RIOK2: variants seen among roughly 807,000 people sequenced by gnomAD.
The protein encoded by RIOK2 is serine/threonine-protein kinase RIO2.
In RIOK2, 46 loss-of-function variants were observed where a neutral mutation model predicts 62.4. The observed-to-expected ratio is 0.74, with a 90% confidence interval of 0.58 to 0.94. The LOEUF (loss-of-function observed/expected upper bound fraction) is 0.94, where lower values mean the gene tolerates loss of function less well. RIOK2 is among the 40% of genes least tolerant of loss of function. The probability of loss-of-function intolerance (pLI) is 0.00; values close to 1 mark genes in which losing one functional copy is unlikely to be tolerated. For missense variants in RIOK2, 574 were observed against 658.0 expected, an observed-to-expected ratio of 0.87 and a Z score of 1.40; for synonymous variants, 197 against 216.0, an observed-to-expected ratio of 0.91 and a Z score of 0.77.
intron 8 of RIOK2, chr5:97,167,058 A>G (rs1748862730): frequency 2.2e-6 from 1 of 446,134 alleles, no homozygotes; most frequent in Non-Finnish European, 3.0e-6. Flanking sequence ...CTGGGATTAC[A>G]AGCACAGGCC....
intron 4 of RIOK2, among the ~76,000 whole-genome samples, chr5:97,176,598 A>G (rs1016818109): frequency 5.3e-5 from 8 of 152,180 alleles, no homozygotes; most frequent in African/African-American, 1.9e-4. Flanking sequence ...GGCTTCCCAA[A>G]GTGCTGGTAT....
intron 9 of RIOK2, among the ~76,000 whole-genome samples, chr5:97,164,290 C>T (rs542825818): frequency 6.6e-6 from 1 of 152,022 alleles, no homozygotes; most frequent in Non-Finnish European, 1.5e-5. Flanking sequence ...CACCTGAGGT[C>T]AGGAGTTCGA....
chr5:97,171,597 TCTA>T (rs1749011016), intron 5 of RIOK2, among the ~76,000 whole-genome samples, 200 bp from the exon 6 acceptor site: 1 of 152,202 alleles, frequency 6.6e-6, no homozygotes, highest in African/African-American at 2.4e-5. Context: ...GTATCTCTTT[TCTA>T]CTACTACCTT....
chr5:97,178,301 C>A (rs918001390), intron 2 of RIOK2, among the ~76,000 whole-genome samples: 7 of 43,532 alleles, frequency 1.6e-4, no homozygotes, highest in Non-Finnish European at 3.4e-4. Context: ...ATGGTAGCCA[C>A]AATAGCTTTA....
chr5:97,177,429 AACCTTCGG>A (rs1485566678), intron 3 of RIOK2, 138 bp from the exon 4 acceptor site: 33 of 810,584 alleles, frequency 4.1e-5, no homozygotes, highest in Non-Finnish European at 1.9e-6. Context: ...CCTTATCCAA[AACCTTCGG>A]ACCAGAAGTG....
At chr5:97,174,415 A>T (rs985004945) in intron 4 of RIOK2, among the ~76,000 whole-genome samples, 2 of 148,770 alleles carry the variant, frequency 1.3e-5, no homozygotes, top group Non-Finnish European at 3.0e-5. Context: ...GCAAGACTAC[A>T]CCTCAAAAAA....
chr5:97,175,142 G>C (rs1450131021), intron 4 of RIOK2, among the ~76,000 whole-genome samples: 1 of 152,082 alleles, frequency 6.6e-6, no homozygotes, highest in Non-Finnish European at 1.5e-5. Flanking sequence ...GATCGTACTG[G>C]TTATTTCTTT....
intron 8 of RIOK2, chr5:97,166,652 T>C (rs1045188432): frequency 1.7e-6 from 1 of 598,450 alleles, no homozygotes; most frequent in African/African-American, 2.0e-5. Context: ...AAAAAAAAAT[T>C]ATTAAAAGAA....
At chr5:97,180,152 A>ATATGTATATATATATG (rs1749362105) in intron 1 of RIOK2, among the ~76,000 whole-genome samples, 1 of 130,896 alleles carries the variant, frequency 7.6e-6, no homozygotes, top group African/African-American at 2.9e-5. Flanking sequence ...GTATATATAT[A>ATATGTATATATATATG]TATATATATG....
rs549047008 is a variant in RIOK2 at position 97,172,668 on chromosome 5, C to A, written c.587+507G>T. The stretch of plus-strand genomic sequence containing the variant: ...GATGAGATCACATCTCTTCTCTGCT[C>A]AAAATACTCCCACTCCAATAGCTGC... On this transcript the variant is annotated intron_variant, in intron 5 of 9. Coordinates refer to ENST00000283109, the MANE Select transcript of RIOK2 (RefSeq NM_018343.3). 2.4e-4 allele frequency among the ~76,000 whole-genome samples: 36 copies of A among 152,292 alleles called. No homozygotes were observed. In the South Asian group the frequency reaches 7.5e-3, roughly 32 times the overall value.
Position 97,162,858 on chromosome 5 carries a change from C to T in RIOK2, c.*203G>A. 1 of 485,954 alleles carries T rather than the reference C, an allele frequency of 2.1e-6. No individual in the cohort carries two copies. Among genetic ancestry groups the T allele is most frequent in the East Asian group, 3.4e-5 (1 of 29,092 alleles). The allele number at this position is 485,954 out of a possible 1,614,324, so 30.1% of individuals were successfully genotyped here. A position where few individuals can be genotyped will look rare whatever the true frequency, so the allele number is the denominator to read the frequency against. On this transcript the variant is annotated 3_prime_UTR_variant, in exon 10 of 10. Transcript: ENST00000283109. ...AATAAAGTTACGTAACTGTAGTTAC[C>T]CAAATTACTTTGAAAAAAATGGACT... is the stretch of plus-strand genomic sequence containing the variant.
At chr5:97,171,086 G>A (rs1284249029) in intron 6 of RIOK2, 120 bp downstream of exon 6, 14 of 583,150 alleles carry the variant, frequency 2.4e-5, no homozygotes, top group East Asian at 1.0e-4. Context: ...GCTTGAACCC[G>A]GGAGGTGGAA....
intron 1 of RIOK2, 173 bp downstream of exon 1, chr5:97,182,953 A>C: frequency 1.3e-5 from 10 of 766,392 alleles, no homozygotes; most frequent in South Asian, 8.3e-5. Flanking sequence ...GTAAGCTCCC[A>C]AACAAAACCT....
At chr5:97,168,017 G>A (rs1458387046) in intron 7 of RIOK2, 26 bp from the exon 8 acceptor site, 3 of 1,541,214 alleles carry the variant, frequency 1.9e-6, no homozygotes, top group South Asian at 2.5e-5. Context: ...GTCAAGCATA[G>A]AAAGAGAGAA....
intron 8 of RIOK2, chr5:97,167,161 C>G: frequency 8.8e-7 from 1 of 1,134,242 alleles, no homozygotes; most frequent in Non-Finnish European, 1.1e-6. Flanking sequence ...AGGTGATTTG[C>G]CTGCCTTGGC....
In RIOK2 at chr5:97,163,230, A is replaced by G. The variant is rs1158205130; in HGVS notation, c.1495-5T>C. ...CACCTTCTGTTTCACCAGTTCCTGG[A>G]AAGATTTCATAAATTAGTATTACTG... On this transcript the variant is annotated splice_region_variant and splice_polypyrimidine_tract_variant and intron_variant, in intron 9 of 9. Coordinates refer to ENST00000283109, the MANE Select transcript of RIOK2 (RefSeq NM_018343.3). 2.5e-6 allele frequency: 4 copies of G among 1,612,250 alleles called. No homozygotes were observed. The highest frequency in any genetic ancestry group is 3.3e-4 in the Middle Eastern group (2 of 6,052).
chr5:97,177,890 T>G (rs183495528), intron 2 of RIOK2, 42 bp from the exon 3 acceptor site: 3 of 1,254,332 alleles, frequency 2.4e-6, no homozygotes, highest in Non-Finnish European at 3.5e-6. Flanking sequence ...TTCAGTTACA[T>G]TGTACAACCA....
Position 97,177,294 on chromosome 5 carries a change from A to G in RIOK2, c.323-3T>C. ...TTCATTTGCAACAATGTAAATATCTAGAGACAAAATTTCAAAAACAACCAT... is the reference window on the plus strand; with the variant it reads ...TTCATTTGCAACAATGTAAATATCTGGAGACAAAATTTCAAAAACAACCAT... On this transcript the variant is annotated splice_region_variant and splice_polypyrimidine_tract_variant and intron_variant, in intron 3 of 9. Transcript: ENST00000283109. 1 of 1,604,558 alleles carries G rather than the reference A, an allele frequency of 6.2e-7. No individual in the cohort carries two copies. Among genetic ancestry groups the G allele is most frequent in the Non-Finnish European group, 8.5e-7 (1 of 1,176,210 alleles).
In RIOK2 at chr5:97,177,179, C is replaced by T; in HGVS notation, c.435G>A (p.Arg145=). The change falls in exon 4 of 10, where the codon AGG becomes AGA. Residue 145 remains arginine, a synonymous_variant. Transcript: ENST00000283109. ...ATAAATATAGCCATGACACATTGTG[C>T]CTATGTTTATGATAATCGCGTTTGT... ...LKNKRDYHKH[R]HNVSWLYLSR... 1.9e-6 allele frequency: 3 copies of T among 1,613,186 alleles called. No individual in the cohort carries two copies. The highest frequency in any genetic ancestry group is 2.5e-6 in the Non-Finnish European group (3 of 1,179,396).
Sources: allele counts gnomAD v4.1 joint callset (sites outside exome capture counted in the v4.1 genomes callset), GRCh38; gene constraint gnomAD v4.1.1; transcripts MANE v1.5; gene names NCBI Gene and HGNC (gene_info 2026-07-23, HGNC 2026-07-21).